RB1CC1: variants seen among roughly 807,000 people sequenced by gnomAD.
RB1CC1 encodes the protein RB1 inducible coiled-coil 1, also known as RB1-inducible coiled-coil protein 1.
Under a neutral mutation model 177.5 loss-of-function variants are expected in RB1CC1, and 46 were observed. That is an observed-to-expected ratio of 0.26 (90% CI 0.20 to 0.33). The LOEUF (loss-of-function observed/expected upper bound fraction) is 0.33. Among genes scored for constraint, RB1CC1 ranks in the 10% least tolerant of loss-of-function variants. The pLI is 1.00. For synonymous variants in RB1CC1, 666 were observed against 613.6 expected (o/e 1.09, Z -1.26); for missense variants, 1,703 against 1,816.3 (o/e 0.94, Z 1.13).
chr8:52,707,429 T>C (rs908487839), intron 1 of RB1CC1, among the ~76,000 whole-genome samples: 1 of 123,702 alleles, frequency 8.1e-6, no homozygotes, highest in African/African-American at 2.7e-5. Flanking sequence ...TTTTTCTTTC[T>C]TTCTTTTTTT....
At chr8:52,682,250 T>TG (rs1398574155) in intron 5 of RB1CC1, among the ~76,000 whole-genome samples, 1 of 152,146 alleles carries the variant, frequency 6.6e-6, no homozygotes, top group Non-Finnish European at 1.5e-5. Flanking sequence ...ATTTCGAACT[T>TG]GCATGGGACC....
At position 52,624,659 on chromosome 8, in the gene RB1CC1, CA is replaced by C. The variant is rs564754669; in HGVS notation, c.4707+57del. 2,307 of 1,281,714 alleles carry C rather than the reference CA, an allele frequency of 1.8e-3. 4 individuals are homozygous for C. Among genetic ancestry groups the C allele is most frequent in the Non-Finnish European group, 1.8e-3 (1,578 of 884,896 alleles). The allele number at this position is 1,281,714 out of a possible 1,614,324, so 79.4% of individuals were successfully genotyped here. On this transcript the variant is annotated intron_variant, in intron 23 of 23. Transcript: ENST00000025008. ...CAGTGGTAATGATTTCTATATAAAG[CA>C]GTATTAAAATCTTCTTTACAGTTCC...
At chr8:52,641,960 AAATAAT>A (rs140961129) in intron 18 of RB1CC1, among the ~76,000 whole-genome samples, 24 of 151,668 alleles carry the variant, frequency 1.6e-4, no homozygotes, top group Admixed American at 9.2e-4. Flanking sequence ...ATGAATAAAC[AAATAAT>A]AATAATAATA....
chr8:52,641,456 A>G (rs2150408610), intron 18 of RB1CC1, among the ~76,000 whole-genome samples: 1 of 152,094 alleles, frequency 6.6e-6, no homozygotes, highest in African/African-American at 2.4e-5. Flanking sequence ...CTGCTGGTGT[A>G]TCATAACTGT....
chr8:52,658,796 G>A, intron 13 of RB1CC1, 77 bp downstream of exon 13: 1 of 981,446 alleles, frequency 1.0e-6, no homozygotes, highest in Non-Finnish European at 1.5e-6. Context: ...AAGATTACTG[G>A]TACTACCTGG....
At chr8:52,703,209 T>C (rs764336454) in intron 1 of RB1CC1, among the ~76,000 whole-genome samples, 4 of 152,218 alleles carry the variant, frequency 2.6e-5, no homozygotes, top group Non-Finnish European at 5.9e-5. Context: ...TTACTAAGTA[T>C]GTGTATCCTC....
intron 3 of RB1CC1, 51 bp from the exon 4 acceptor site, chr8:52,684,064 T>A: frequency 1.3e-6 from 2 of 1,558,516 alleles, no homozygotes; most frequent in South Asian, 1.2e-5. Flanking sequence ...GCCCAATGAC[T>A]TTATTTTCCA....
Position 52,656,344 on chromosome 8 carries a change from T to G in RB1CC1, c.3485A>C (p.His1162Pro). The change falls in exon 15 of 24, where the codon CAT becomes CCT. Residue 1162 changes from histidine to proline, a missense_variant. This residue lies in a region of RB1CC1 where 1,169 missense variants were observed against 1,184.7 expected (regional missense o/e 0.99). Coordinates refer to ENST00000025008, the MANE Select transcript of RB1CC1 (RefSeq NM_014781.5). Reference sequence around the variant, plus strand: ...TTTTTCTATTTCAAATGCTTGGTTATGCAAAGATGTTACTTTGTTTAATTC... The same window carrying G: ...TTTTTCTATTTCAAATGCTTGGTTAGGCAAAGATGTTACTTTGTTTAATTC... The part of the protein sequence containing the change: ...KAELNKVTSL[H>P]NQAFEIEKNL... 6.2e-7 allele frequency: 1 copy of G among 1,612,238 alleles called. No individual in the cohort carries two copies. Among genetic ancestry groups the G allele is most frequent in the Non-Finnish European group, 8.5e-7 (1 of 1,179,502 alleles).
At chr8:52,635,304 G>A (rs1214363766) in intron 19 of RB1CC1, among the ~76,000 whole-genome samples, 1 of 152,156 alleles carries the variant, frequency 6.6e-6, no homozygotes, top group African/African-American at 2.4e-5. Flanking sequence ...TCTGGCATCT[G>A]TAACATACAT....
At chr8:52,645,964 A>C in intron 15 of RB1CC1, 97 bp from the exon 16 acceptor site, 1 of 1,157,800 alleles carries the variant, frequency 8.6e-7, no homozygotes, top group Non-Finnish European at 1.2e-6. Flanking sequence ...CTTAAGCTCA[A>C]TAATGTAGCA....
chr8:52,687,484 A>G (rs1001287639), intron 1 of RB1CC1, among the ~76,000 whole-genome samples: 12 of 152,224 alleles, frequency 7.9e-5, no homozygotes, highest in Non-Finnish European at 1.6e-4. Flanking sequence ...TATTGCAAAA[A>G]TGATGGGATA....
intron 15 of RB1CC1, among the ~76,000 whole-genome samples, chr8:52,646,630 G>A (rs906115628): frequency 1.4e-4 from 22 of 152,088 alleles, no homozygotes; most frequent in African/African-American, 4.6e-4. Context: ...ACTGAAAAGC[G>A]CTTACACGAA....
intron 20 of RB1CC1, among the ~76,000 whole-genome samples, 199 bp from the exon 21 acceptor site, chr8:52,630,727 T>C (rs1436263050): frequency 6.6e-6 from 1 of 152,182 alleles, no homozygotes; most frequent in Non-Finnish European, 1.5e-5. Flanking sequence ...AAACTGATTT[T>C]TGAATCACAT....
chr8:52,671,350 G>A (rs1179163228), intron 7 of RB1CC1, among the ~76,000 whole-genome samples: 2 of 152,136 alleles, frequency 1.3e-5, no homozygotes, highest in East Asian at 1.9e-4. Flanking sequence ...TTCCTTTTAC[G>A]GAAAAAAAAT....
chr8:52,631,317 A>G (rs1170151864), intron 20 of RB1CC1, among the ~76,000 whole-genome samples: 2 of 152,166 alleles, frequency 1.3e-5, no homozygotes, highest in African/African-American at 4.8e-5. Context: ...AAAATACAAA[A>G]AATTAGCTGG....
rs928895059 is a variant in RB1CC1 at position 52,705,472 on chromosome 8, G to C, written c.-167+8603C>G. On this transcript the variant is annotated intron_variant, in intron 1 of 23. Coordinates refer to ENST00000025008, the MANE Select transcript of RB1CC1 (RefSeq NM_014781.5). ...GCTAAGTGTTGACAAGATTAACAGT[G>C]GGTCCACTGGCACATTTCTGACAAA... Among the ~76,000 whole-genome samples the C allele has an allele frequency of 2.0e-5, 3 of 152,104 alleles. No individual in the cohort carries two copies. In the South Asian group the frequency reaches 6.2e-4, roughly 32 times the overall value.
At chr8:52,708,839 G>A (rs556601604) in intron 1 of RB1CC1, among the ~76,000 whole-genome samples, 32 of 152,302 alleles carry the variant, frequency 2.1e-4, no homozygotes, top group African/African-American at 6.3e-4. Flanking sequence ...GTAGTAGCCC[G>A]TGACCCCTCA....
intron 15 of RB1CC1, among the ~76,000 whole-genome samples, chr8:52,650,777 T>C (rs1300695841): frequency 6.6e-6 from 1 of 152,164 alleles, no homozygotes; most frequent in Non-Finnish European, 1.5e-5. Context: ...TACACACTTG[T>C]AGTTGTTTGA....
intron 22 of RB1CC1, among the ~76,000 whole-genome samples, chr8:52,626,860 C>T (rs1246210962): frequency 6.6e-6 from 1 of 152,054 alleles, no homozygotes; most frequent in Non-Finnish European, 1.5e-5. Context: ...CCAGCCTGGC[C>T]AACAAAGTGA....
Sources: allele counts gnomAD v4.1 joint callset (sites outside exome capture counted in the v4.1 genomes callset), GRCh38; gene constraint gnomAD v4.1.1; regional missense constraint gnomAD v4.1.1; transcripts MANE v1.5; gene names NCBI Gene and HGNC (gene_info 2026-07-23, HGNC 2026-07-21).